Variants in CFAP70 observed in about 807,000 individuals in gnomAD.
CFAP70 encodes cilia- and flagella-associated protein 70.
A neutral mutation model predicts 137.6 loss-of-function variants in CFAP70; 81 were observed. The observed-to-expected ratio is 0.59, with a 90% CI of 0.49 to 0.71. The LOEUF is 0.71. Ranked by LOEUF, CFAP70 falls within the 30% of genes least tolerant of loss-of-function variation. The pLI, the probability that CFAP70 is intolerant of heterozygous loss-of-function variation, is 0.00. For synonymous variants in CFAP70, 382 were observed against 423.6 expected (o/e 0.90, Z 1.20); for missense variants, 976 against 1,226.7 (o/e 0.80, Z 3.05).
chr10:73,299,735 T>G, intron 12 of CFAP70, 70 bp from the exon 14 acceptor site: 1 of 1,268,400 alleles, frequency 7.9e-7, no homozygotes, highest in Non-Finnish European at 1.1e-6. Context: ...TATTTTCTTT[T>G]ATCTTATCCT....
At chr10:73,338,143 ATTT>A (rs550084202) in intron 6 of CFAP70, among the ~76,000 whole-genome samples, 3 of 129,674 alleles carry the variant, frequency 2.3e-5, no homozygotes, top group African/African-American at 2.9e-5. Flanking sequence ...ATATATGCGG[ATTT>A]TTTTTTTTTT....
intron 15 of CFAP70, 140 bp downstream of exon 16, chr10:73,296,902 C>T (rs2048584490): frequency 2.1e-6 from 2 of 963,288 alleles, no homozygotes; most frequent in Admixed American, 3.0e-5. Context: ...CAGTTTCTTA[C>T]TCATCTTTGT....
intron 6 of CFAP70, among the ~76,000 whole-genome samples, chr10:73,338,922 CTTTT>C (rs879821090): frequency 3.5e-4 from 49 of 138,414 alleles, no homozygotes; most frequent in African/African-American, 1.3e-3. Context: ...GATCACTATA[CTTTT>C]TTTTTTTTTT....
chr10:73,260,984 G>T (rs1191286286), intron 25 of CFAP70, among the ~76,000 whole-genome samples: 1 of 152,128 alleles, frequency 6.6e-6, no homozygotes, highest in Non-Finnish European at 1.5e-5. Flanking sequence ...TAGAATTGCT[G>T]GCACATATGG....
intron 12 of CFAP70, among the ~76,000 whole-genome samples, chr10:73,308,514 G>A (rs1229277478): frequency 6.6e-6 from 1 of 151,412 alleles, no homozygotes; most frequent in African/African-American, 2.4e-5. Context: ...TGTAATCCTA[G>A]CTACTCAGGA....
exon 23 of CFAP70, chr10:73,274,554 A>G (rs1326134632): frequency 6.2e-7 from 1 of 1,613,978 alleles, no homozygotes; most frequent in African/African-American, 1.3e-5. Context: ...ATTTCCACTC[A>G]GAAAATAGAG....
intron 1 of CFAP70, among the ~76,000 whole-genome samples, chr10:73,356,373 A>T (rs1377847374): frequency 6.6e-6 from 1 of 151,810 alleles, no homozygotes; most frequent in Admixed American, 6.6e-5. Context: ...TAATTTTTGT[A>T]TTTTTTGTAG....
chr10:73,269,729 TGA>T lies in CFAP70; in HGVS notation c.2926-16_2926-15del. The T allele has an allele frequency of 6.4e-7, 1 of 1,550,794 alleles. No individual in the cohort carries two copies. Among genetic ancestry groups the T allele is most frequent in the Admixed American group, 1.7e-5 (1 of 59,928 alleles). On this transcript the variant is annotated splice_polypyrimidine_tract_variant and intron_variant, in intron 24 of 26. Transcript: ENST00000310715. ...GAGCTCCTCCAGCTTGACAGAAAAA[TGA>T]GACATGTGAGTTAGCTTAGCTGAAA... is the stretch of plus-strand genomic sequence containing the variant.
At chr10:73,289,004 A>G (rs967155986) in intron 19 of CFAP70, among the ~76,000 whole-genome samples, 6 of 152,174 alleles carry the variant, frequency 3.9e-5, no homozygotes, top group Admixed American at 3.9e-4. Context: ...ATAAGGTGTC[A>G]CCTTACATTG....
exon 24 of CFAP70, chr10:73,272,932 T>A: frequency 6.4e-7 from 1 of 1,552,060 alleles, no homozygotes; most frequent in Non-Finnish European, 8.7e-7. Context: ...TCTTACCCGA[T>A]AGCAGGCGAT....
At chr10:73,293,615 C>A in intron 15 of CFAP70, 2 of 380,342 alleles carry the variant, frequency 5.3e-6, no homozygotes, top group South Asian at 6.4e-5. Context: ...AGTCTGAGCT[C>A]ATGGAAGTAA....
chr10:73,298,931 G>A, exon 14 of CFAP70: 1 of 1,613,936 alleles, frequency 6.2e-7, no homozygotes, highest in Non-Finnish European at 8.5e-7. Context: ...TGAAAGCAAA[G>A]TATTTTCCAG....
chr10:73,348,498 T>C (rs1051034714), exon 4 of CFAP70: 1 of 1,518,762 alleles, frequency 6.6e-7, no homozygotes, highest in Non-Finnish European at 8.8e-7. Context: ...TTCTTTTCCT[T>C]TGGTAAAACT....
rs756199172 is a variant in CFAP70, at chr10:73,277,368, ATAT to A, written c.2399-10_2399-8del. 106 of 1,612,256 alleles carry A rather than the reference ATAT, an allele frequency of 6.6e-5. No homozygotes were observed. Among genetic ancestry groups the A allele is most frequent in the Non-Finnish European group, 8.1e-5 (96 of 1,179,254 alleles). ...TCTTGACATTTTGATGCTTCTGAAAATATTACATTAAAAGGATTGAAGATTGGA... is the reference window on the plus strand; with the variant it reads ...TCTTGACATTTTGATGCTTCTGAAAATACATTAAAAGGATTGAAGATTGGA... On this transcript the variant is annotated splice_polypyrimidine_tract_variant and splice_region_variant and intron_variant, in intron 20 of 26. Coordinates refer to ENST00000310715, the Ensembl canonical transcript of CFAP70.
rs757729866 is a variant in CFAP70 at position 73,348,393 on chromosome 10, T to C, written c.349+30A>G. On this transcript the variant is annotated intron_variant, in intron 4 of 26. Transcript: ENST00000310715. ...GGCTAAGTTTTATGAGCTTTTCCAT[T>C]TCTGCTTTTGGGCAAAGCACACATC... 6.3e-6 allele frequency: 10 copies of C among 1,590,018 alleles called. No homozygotes were observed. In the South Asian group the frequency reaches 9.9e-5, roughly 16 times the overall value.
chr10:73,254,032 C>G lies in CFAP70; in HGVS notation c.3099G>C (p.Leu1033=), dbSNP rs777754433. ...CCTGTAGTGTGTGGATCTCTGCAAG[C>G]AGAGCCTCATCTTTCAATTTCAGCT... is the stretch of plus-strand genomic sequence containing the variant. The change falls in exon 27 of 27, where the codon CTG becomes CTC. Residue 1033 remains leucine, a synonymous_variant. Coordinates refer to ENST00000310715, the Ensembl canonical transcript of CFAP70. 3.1e-6 allele frequency: 5 copies of G among 1,596,076 alleles called. No homozygotes were observed. In the African/African-American group the frequency reaches 5.4e-5, roughly 17 times the overall value.
chr10:73,310,560 T>C (rs2049826273), intron 11 of CFAP70, among the ~76,000 whole-genome samples: 1 of 152,208 alleles, frequency 6.6e-6, no homozygotes. Flanking sequence ...GTGAATGCCT[T>C]TCTTTCTTCC....
At chr10:73,255,096 CTA>C (rs2044338858) in intron 26 of CFAP70, among the ~76,000 whole-genome samples, 1 of 152,040 alleles carries the variant, frequency 6.6e-6, no homozygotes, top group Non-Finnish European at 1.5e-5. Context: ...AACCCTGTCT[CTA>C]TGAAAAATAC....
intron 13 of CFAP70, 138 bp from the exon 15 acceptor site, chr10:73,299,239 T>A (rs1437387618): frequency 2.8e-6 from 2 of 707,366 alleles, no homozygotes; most frequent in African/African-American, 3.6e-5. Context: ...AGAGACAAGG[T>A]CTCTCTCGCC....
Sources: allele counts gnomAD v4.1 joint callset (sites outside exome capture counted in the v4.1 genomes callset), GRCh38; gene constraint gnomAD v4.1.1; transcripts MANE v1.5; gene names NCBI Gene and HGNC (gene_info 2026-07-23, HGNC 2026-07-21).